Variants in PIK3R6 observed in about 807,000 individuals in gnomAD.
PIK3R6 encodes the protein phosphoinositide 3-kinase regulatory subunit 6.
Under a neutral mutation model 84.9 loss-of-function variants are expected in PIK3R6, and 91 were observed. The observed-to-expected ratio is 1.07, with a 90% CI of 0.90 to 1.28. The LOEUF is 1.28. PIK3R6 is among the 50% of genes most tolerant of loss of function. PIK3R6 has a pLI of 0.00. For synonymous variants in PIK3R6, 416 were observed against 411.4 expected, an observed-to-expected ratio of 1.01 and a Z score of -0.13; for missense variants, 996 against 985.1, an observed-to-expected ratio of 1.01 and a Z score of -0.15.
intron 17 of PIK3R6, among the ~76,000 whole-genome samples, chr17:8,819,691 C>CAT (rs1567573582): frequency 3.8e-5 from 4 of 104,304 alleles, no homozygotes; most frequent in African/African-American, 1.1e-4. Context: ...TATATATATA[C>CAT]ACACACACAC....
intron 18 of PIK3R6, among the ~76,000 whole-genome samples, chr17:8,809,335 T>G (rs2087287948): frequency 6.6e-6 from 1 of 152,180 alleles, no homozygotes; most frequent in African/African-American, 2.4e-5. Context: ...TGATACTCAT[T>G]GTCATAAAAA....
chr17:8,821,606 C>T lies in PIK3R6; in HGVS notation c.1879+240G>A, dbSNP rs796460378. ...GGCAGGAGGCCAACTGCAACCCCTC[C>T]CCGGAGTCCCTCCACCTTCCAGCTA... On this transcript the variant is annotated intron_variant, in intron 17 of 19. Transcript: ENST00000619866. 7.9e-5 allele frequency among the ~76,000 whole-genome samples: 12 copies of T among 152,272 alleles called. No individual in the cohort carries two copies. In the South Asian group the frequency reaches 2.3e-3, roughly 29 times the overall value.
chr17:8,837,152 C>A (rs2088501376), intron 5 of PIK3R6, among the ~76,000 whole-genome samples: 1 of 152,118 alleles, frequency 6.6e-6, no homozygotes, highest in Non-Finnish European at 1.5e-5. Context: ...CCCAACTTAC[C>A]AAGATAAAAA....
Position 8,826,776 on chromosome 17 carries a change from C to T in PIK3R6, c.1515+396G>A, listed in dbSNP as rs193240326. 8.3e-3 allele frequency among the ~76,000 whole-genome samples: 1,256 copies of T among 151,976 alleles called. 9 individuals carry two copies. The highest frequency in any genetic ancestry group is 0.02 in the Middle Eastern group (6 of 294). On this transcript the variant is annotated intron_variant, in intron 13 of 19. Coordinates refer to ENST00000619866, the MANE Select transcript of PIK3R6 (RefSeq NM_001010855.4). Reference sequence around the variant, plus strand: ...AACCTGCATGTTCTGCACATGTATCCCAGAACGTGAAGTAAAATAAAAATA... The same window carrying T: ...AACCTGCATGTTCTGCACATGTATCTCAGAACGTGAAGTAAAATAAAAATA...
At chr17:8,821,159 A>G (rs2087718762) in intron 17 of PIK3R6, among the ~76,000 whole-genome samples, 1 of 152,194 alleles carries the variant, frequency 6.6e-6, no homozygotes, top group African/African-American at 2.4e-5. Flanking sequence ...CCCTAAGTCT[A>G]GTCTGTTGAG....
intron 1 of PIK3R6, among the ~76,000 whole-genome samples, chr17:8,867,039 T>G (rs1269037425): frequency 6.6e-6 from 1 of 152,208 alleles, no homozygotes; most frequent in East Asian, 1.9e-4. Context: ...GGGACCCAGA[T>G]GTTTCACACT....
Position 8,828,662 on chromosome 17 carries a change from C to A in PIK3R6, c.1218G>T (p.Met406Ile), listed in dbSNP as rs370491416. The change falls in exon 11 of 20, where the codon ATG becomes ATT. Residue 406 changes from methionine (M) to isoleucine (I), a missense_variant. Met to Ile is a conservative substitution (Grantham distance 10, BLOSUM62 1). Transcript: ENST00000619866. ...TGTGCAGCCGGGACACGCCGGGCAG[C>A]ATTTCCCCATCCCCACTGGGCCGGC... ...RTGRPSGDGE[M>I]LPGVSRLHTA... 6.2e-7 allele frequency: 1 copy of A among 1,612,864 alleles called. No homozygotes were observed. Among genetic ancestry groups the A allele is most frequent in the African/African-American group, 1.3e-5 (1 of 74,924 alleles).
rs1207960827 is a variant in PIK3R6, at chr17:8,839,506, T to G, written c.97+108A>C. On this transcript the variant is annotated intron_variant, in intron 3 of 19. Coordinates refer to ENST00000619866, the MANE Select transcript of PIK3R6 (RefSeq NM_001010855.4). The surrounding 1 kb of genome is among the most constrained non-coding windows in gnomAD (Gnocchi z 4.2). ...GGAAAGGGGTTTGGTGAGACGACCC[T>G]TGCCCCCTGAGCTCCAGGCCGGGGC... The G allele has an allele frequency of 1.2e-6, 1 of 844,964 alleles. No homozygotes were observed. Among genetic ancestry groups the G allele is most frequent in the Non-Finnish European group, 1.8e-6 (1 of 548,778 alleles). The allele number at this position is 844,964 out of a possible 1,614,324, so 52.3% of individuals were successfully genotyped here.
At chr17:8,850,562 C>T (rs530480035) in intron 1 of PIK3R6, among the ~76,000 whole-genome samples, 1 of 152,240 alleles carries the variant, frequency 6.6e-6, no homozygotes, top group African/African-American at 2.4e-5. Flanking sequence ...CTCTAGAGCC[C>T]TCCCTTAAGC....
rs149837753 is a variant in PIK3R6 at position 8,844,507 on chromosome 17, T to A, written c.14-4810A>T. ...ATGCAGGTCTAACATCCTTGATGAC[T>A]CGAATAGTCAATAGATAAATGGCAT... On this transcript the variant is annotated intron_variant, in intron 2 of 19. Coordinates refer to ENST00000619866, the MANE Select transcript of PIK3R6 (RefSeq NM_001010855.4). The surrounding 1 kb of genome is among the most constrained non-coding windows in gnomAD (Gnocchi z 4.5). Among the ~76,000 whole-genome samples, 1 of 152,316 alleles carries A rather than the reference T, an allele frequency of 6.6e-6. No homozygotes were observed. Among genetic ancestry groups the A allele is most frequent in the African/African-American group, 2.4e-5 (1 of 41,578 alleles).
rs2089309255 is a variant in PIK3R6, at chr17:8,862,612, A to C, written c.-92+4917T>G. Among the ~76,000 whole-genome samples, 1 of 152,158 alleles carries C rather than the reference A, an allele frequency of 6.6e-6. No individual in the cohort carries two copies. The highest frequency in any genetic ancestry group is 1.5e-5 in the Non-Finnish European group (1 of 68,022). The stretch of plus-strand genomic sequence containing the variant: ...CGTATCACGGACAGCTAAGGCTGCA[A>C]TGTTTGACTGCTGCTTTTGTGCCAC... On this transcript the variant is annotated intron_variant, in intron 1 of 19. Coordinates refer to ENST00000619866, the MANE Select transcript of PIK3R6 (RefSeq NM_001010855.4). This position sits in a 1 kb window ranked among gnomAD's most constrained non-coding sequence, Gnocchi z 4.3.
rs187146625 is a variant in PIK3R6 at position 8,837,101 on chromosome 17, T to C, written c.259-178A>G. 4.1e-3 allele frequency among the ~76,000 whole-genome samples: 624 copies of C among 152,164 alleles called. 3 individuals are homozygous for C. Among genetic ancestry groups the C allele is most frequent in the African/African-American group, 0.014 (587 of 41,504 alleles). On this transcript the variant is annotated intron_variant, in intron 5 of 19. Transcript: ENST00000619866. ...TCTCCCAAACCCACACCTTCCAGCC[T>C]CTTCTCCCAGCACCTGTAAGACATC... is the stretch of plus-strand genomic sequence containing the variant.
chr17:8,842,937 G>A lies in PIK3R6; in HGVS notation c.14-3240C>T, dbSNP rs2088722516. ...AAGAGTTAAAATATTTTTAGGCCAA[G>A]TCACCATAGGTGCTAGTGCTCATGG... On this transcript the variant is annotated intron_variant, in intron 2 of 19. Transcript: ENST00000619866. The surrounding 1 kb of genome is among the most constrained non-coding windows in gnomAD (Gnocchi z 4.5). 6.6e-6 allele frequency among the ~76,000 whole-genome samples: 1 copy of A among 152,210 alleles called. No homozygotes were observed. The highest frequency in any genetic ancestry group is 1.5e-5 in the Non-Finnish European group (1 of 68,036).
Position 8,842,580 on chromosome 17 carries a change from G to A in PIK3R6, c.14-2883C>T, listed in dbSNP as rs17206162. ...AGATCCAGACTCAGACAAGAAGTAC[G>A]GGAAACACTCCTCACACAATAAATT... On this transcript the variant is annotated intron_variant, in intron 2 of 19. Coordinates refer to ENST00000619866, the MANE Select transcript of PIK3R6 (RefSeq NM_001010855.4). This position sits in a 1 kb window ranked among gnomAD's most constrained non-coding sequence, Gnocchi z 4.5. Among the ~76,000 whole-genome samples the A allele has an allele frequency of 1.3e-3, 205 of 152,136 alleles. 1 individual carries two copies. In the East Asian group the frequency reaches 0.029, roughly 21 times the overall value.
rs573632331 is a variant in PIK3R6 at position 8,816,553 on chromosome 17, C to T, written c.1995+2530G>A. On this transcript the variant is annotated intron_variant, in intron 18 of 19. Transcript: ENST00000619866. ...GTTAAAAAAGCATCAAAAGACAAAGCGGGAAAAGTATTTCCAAAATTTATG... is the reference window on the plus strand; with the variant it reads ...GTTAAAAAAGCATCAAAAGACAAAGTGGGAAAAGTATTTCCAAAATTTATG... Among the ~76,000 whole-genome samples the T allele has an allele frequency of 4.6e-5, 7 of 152,094 alleles. 1 individual carries two copies. In the South Asian group the frequency reaches 1.0e-3, roughly 23 times the overall value.
chr17:8,847,142 G>A (rs1358289665), intron 2 of PIK3R6, among the ~76,000 whole-genome samples: 4 of 152,158 alleles, frequency 2.6e-5, no homozygotes, highest in African/African-American at 7.2e-5. Flanking sequence ...CACCCTGTGA[G>A]TTTGGCAGGA....
In PIK3R6 at chr17:8,836,780, G is replaced by C. The variant is rs1417931012; in HGVS notation, c.391+11C>G. On this transcript the variant is annotated intron_variant, in intron 6 of 19. Transcript: ENST00000619866. Reference sequence around the variant, plus strand: ...GCAGCGTGGGAGACAAAGATGCCCAGTGACTCTTACCTGGGACAGCCATCT... The same window carrying C: ...GCAGCGTGGGAGACAAAGATGCCCACTGACTCTTACCTGGGACAGCCATCT... The C allele has an allele frequency of 6.2e-7, 1 of 1,610,900 alleles. No individual in the cohort carries two copies. Among genetic ancestry groups the C allele is most frequent in the Admixed American group, 1.7e-5 (1 of 59,528 alleles).
At position 8,840,264 on chromosome 17, in the gene PIK3R6, A is replaced by C. The variant is rs1044262612; in HGVS notation, c.14-567T>G. ...TATATATATGAAATATATACAGCCT[A>C]CAAATATGTATATGAAATATATACA... On this transcript the variant is annotated intron_variant, in intron 2 of 19. Coordinates refer to ENST00000619866, the MANE Select transcript of PIK3R6 (RefSeq NM_001010855.4). Among the ~76,000 whole-genome samples, 344 of 142,300 alleles carry C rather than the reference A, an allele frequency of 2.4e-3. 8 individuals carry two copies. Among genetic ancestry groups the C allele is most frequent in the African/African-American group, 8.9e-3 (327 of 36,746 alleles). The allele number at this position is 142,300 out of a possible 152,430, so 93.4% of individuals were successfully genotyped here. A position where few individuals can be genotyped will look rare whatever the true frequency, so the allele number is the denominator to read the frequency against.
intron 17 of PIK3R6, among the ~76,000 whole-genome samples, chr17:8,821,471 C>T (rs1397334385): frequency 6.6e-6 from 1 of 152,174 alleles, no homozygotes. Context: ...TTATAATTTA[C>T]TATATGCACA....
Sources: allele counts gnomAD v4.1 joint callset (sites outside exome capture counted in the v4.1 genomes callset), GRCh38; gene constraint gnomAD v4.1.1; non-coding constraint Gnocchi (gnomAD v3.1); transcripts MANE v1.5; gene names NCBI Gene and HGNC (gene_info 2026-07-23, HGNC 2026-07-21).